Variants in SNTG2 observed in about 807,000 individuals in gnomAD.
SNTG2 encodes syntrophin gamma 2, also known as gamma-2-syntrophin.
Under a neutral mutation model 70.9 loss-of-function variants are expected in SNTG2, and 74 were observed. The observed-to-expected ratio is 1.04, with a 90% CI of 0.86 to 1.27. The LOEUF (loss-of-function observed/expected upper bound fraction) is 1.27, where lower values mean the gene tolerates loss of function less well. SNTG2 is among the 50% of genes most tolerant of loss of function. SNTG2 has a pLI of 0.00. For synonymous variants in SNTG2, 278 were observed against 273.8 expected (o/e 1.02, Z -0.15); for missense variants, 717 against 690.7 (o/e 1.04, Z -0.43).
chr2:1,135,709 C>G (rs1330524262), intron 4 of SNTG2, among the ~76,000 whole-genome samples: 1 of 152,182 alleles, frequency 6.6e-6, no homozygotes. Flanking sequence ...GTGACAAGTG[C>G]AAGACTCTGT....
chr2:1,136,505 G>A (rs1240812244), intron 4 of SNTG2, among the ~76,000 whole-genome samples: 1 of 152,032 alleles, frequency 6.6e-6, no homozygotes, highest in Admixed American at 6.6e-5. Context: ...GTACAGAATC[G>A]GTACCATTAC....
intron 9 of SNTG2, among the ~76,000 whole-genome samples, chr2:1,236,950 C>T (rs1202345329): frequency 6.8e-5 from 10 of 148,116 alleles, no homozygotes; most frequent in African/African-American, 2.2e-4. Flanking sequence ...TTCTTTTTTT[C>T]TTTTTTTTTT....
At chr2:1,086,949 CAG>C (rs1255343488) in intron 2 of SNTG2, among the ~76,000 whole-genome samples, 12 of 152,068 alleles carry the variant, frequency 7.9e-5, no homozygotes, top group Admixed American at 5.9e-4. Flanking sequence ...GAAGTATAAA[CAG>C]AGCTGAAGAA....
intron 1 of SNTG2, among the ~76,000 whole-genome samples, chr2:1,008,654 G>A (rs1329447135): frequency 6.6e-6 from 1 of 152,032 alleles, no homozygotes; most frequent in Non-Finnish European, 1.5e-5. Context: ...CTAATGATAG[G>A]TGACATAAAT....
chr2:951,187 C>A (rs937026835), intron 1 of SNTG2, 119 bp downstream of exon 1: 150 of 470,960 alleles, frequency 3.2e-4, no homozygotes, highest in Admixed American at 4.1e-4. Context: ...CCTTCCCTGT[C>A]TCCGGGGACG....
At chr2:1,358,262 G>A (rs956795562) in intron 16 of SNTG2, among the ~76,000 whole-genome samples, 4 of 152,068 alleles carry the variant, frequency 2.6e-5, no homozygotes, top group African/African-American at 9.7e-5. Flanking sequence ...AAAACATTCA[G>A]TCCGTAACAT....
intron 16 of SNTG2, among the ~76,000 whole-genome samples, chr2:1,355,065 G>A (rs183875245): frequency 2.2e-3 from 331 of 152,254 alleles, no homozygotes; most frequent in African/African-American, 7.5e-3. Context: ...ACATGAGCAG[G>A]GCCCTGGCCA....
intron 1 of SNTG2, among the ~76,000 whole-genome samples, chr2:1,055,416 G>T (rs1662329556): frequency 6.6e-6 from 1 of 152,068 alleles, no homozygotes; most frequent in Non-Finnish European, 1.5e-5. Context: ...CTCACTGGAG[G>T]CTCACGACCT....
chr2:1,322,307 C>A (rs1255457214), intron 16 of SNTG2, among the ~76,000 whole-genome samples: 2 of 152,102 alleles, frequency 1.3e-5, no homozygotes, highest in Non-Finnish European at 2.9e-5. Context: ...CAGAGGCAAC[C>A]CTGGAGTGTC....
At chr2:1,047,571 G>A (rs1661810493) in intron 1 of SNTG2, among the ~76,000 whole-genome samples, 2 of 152,292 alleles carry the variant, frequency 1.3e-5, no homozygotes, top group Middle Eastern at 3.4e-3. Context: ...CCAAGGCTTT[G>A]TGCTGGGTCT....
At chr2:1,221,263 G>C (rs910055620) in intron 9 of SNTG2, among the ~76,000 whole-genome samples, 10 of 20,314 alleles carry the variant, frequency 4.9e-4, no homozygotes, top group Non-Finnish European at 1.2e-3. Flanking sequence ...TCTCTCAGAG[G>C]TCTGTCTCTG....
At chr2:1,229,031 T>C (rs1676000547) in intron 9 of SNTG2, among the ~76,000 whole-genome samples, 1 of 152,130 alleles carries the variant, frequency 6.6e-6, no homozygotes, top group Non-Finnish European at 1.5e-5. Flanking sequence ...GCTGCAGACC[T>C]CTGTGATGAG....
intron 16 of SNTG2, among the ~76,000 whole-genome samples, chr2:1,349,881 T>TC: frequency 6.6e-6 from 1 of 152,200 alleles, no homozygotes; most frequent in South Asian, 2.1e-4. Flanking sequence ...AAACATAGAA[T>TC]CAAAGTTAAG....
chr2:1,149,217 G>C lies in SNTG2; in HGVS notation c.411+11408G>C, dbSNP rs868149912. ...CGTGTGTGTGTGTGTGTGAGAGAGA[G>C]ACACACACACACGGGGAGCAGTGAG... On this transcript the variant is annotated intron_variant, in intron 6 of 16. Transcript: ENST00000308624. Among the ~76,000 whole-genome samples the C allele has an allele frequency of 4.7e-5, 7 of 149,044 alleles. No homozygotes were observed. The East Asian group carries it at 1.2e-3, about 26-fold the overall frequency.
chr2:958,934 A>G (rs1433560407), intron 1 of SNTG2, among the ~76,000 whole-genome samples: 1 of 152,196 alleles, frequency 6.6e-6, no homozygotes, highest in African/African-American at 2.4e-5. Context: ...ATTAGAACCA[A>G]ACTCTGAAAC....
rs115066348 is a variant in SNTG2, at chr2:1,322,782, A to G, written c.1488+6407A>G. ...ATACAAGGGAACCTATCGCTGCCCAATGATTTGGGGGCACTTTGCACGTGG... is the reference window on the plus strand; with the variant it reads ...ATACAAGGGAACCTATCGCTGCCCAGTGATTTGGGGGCACTTTGCACGTGG... On this transcript the variant is annotated intron_variant, in intron 16 of 16. Transcript: ENST00000308624. Among the ~76,000 whole-genome samples, 307 of 151,976 alleles carry G rather than the reference A, an allele frequency of 2.0e-3. 4 individuals carry two copies. Among genetic ancestry groups the G allele is most frequent in the African/African-American group, 7.1e-3 (293 of 41,454 alleles).
chr2:1,120,138 TTCTC>T (rs1667290969), intron 4 of SNTG2, among the ~76,000 whole-genome samples: 1 of 152,174 alleles, frequency 6.6e-6, no homozygotes, highest in South Asian at 2.1e-4. Flanking sequence ...TGATCATTCT[TTCTC>T]TATCAGTAAT....
intron 4 of SNTG2, among the ~76,000 whole-genome samples, chr2:1,114,432 C>T (rs1666781240): frequency 6.6e-6 from 1 of 151,754 alleles, no homozygotes; most frequent in Non-Finnish European, 1.5e-5. Flanking sequence ...GAGGTTTAAC[C>T]CTTACAGTCC....
At chr2:1,042,864 G>A (rs1244884570) in intron 1 of SNTG2, among the ~76,000 whole-genome samples, 2 of 152,110 alleles carry the variant, frequency 1.3e-5, no homozygotes, top group Non-Finnish European at 2.9e-5. Context: ...GGAAAGATTT[G>A]CATTCCCTTG....
Sources: gnomAD v4.1 joint callset for allele counts (sites outside exome capture counted in the v4.1 genomes callset) on GRCh38, gnomAD v4.1.1 for gene constraint, MANE v1.5 for transcripts, NCBI Gene and HGNC (gene_info 2026-07-23, HGNC 2026-07-21) for gene names.